LOC122539214: variants seen among roughly 807,000 people sequenced by gnomAD.
chr19:52,653,971 T>C, the LOC122539214 span: 2 of 1,356,180 alleles, frequency 1.5e-6, no homozygotes, highest in Non-Finnish European at 2.1e-6. Flanking sequence ...GTTCTTCCCA[T>C]ACCTATTAGA....
the LOC122539214 span, among the ~76,000 whole-genome samples, chr19:52,676,812 G>A: frequency 0.21 from 27,722 of 131,988 alleles, 3,186 homozygotes; most frequent in Non-Finnish European, 0.24. Context: ...GGATCCTGTT[G>A]ATCTGTGACC....
chr19:52,680,811 A>AC, the LOC122539214 span, among the ~76,000 whole-genome samples: 1 of 148,836 alleles, frequency 6.7e-6, no homozygotes, highest in African/African-American at 2.5e-5. Flanking sequence ...ACGGGGTTTC[A>AC]CCGTGTTAGC....
chr19:52,687,586 A>G, the LOC122539214 span, among the ~76,000 whole-genome samples: 3 of 39,300 alleles, frequency 7.6e-5, no homozygotes, highest in African/African-American at 5.4e-4. Context: ...TTTTATATAT[A>G]TATATATATA....
chr19:52,670,358 G>C, the LOC122539214 span, among the ~76,000 whole-genome samples: 2 of 152,178 alleles, frequency 1.3e-5, no homozygotes, highest in Non-Finnish European at 1.5e-5. Flanking sequence ...CTCGCCAATA[G>C]GGGAATGACA....
At chr19:52,667,326 G>C in the LOC122539214 span, among the ~76,000 whole-genome samples, 6 of 152,070 alleles carry the variant, frequency 3.9e-5, no homozygotes, top group East Asian at 5.8e-4. Flanking sequence ...TTAAAGAAAG[G>C]GATGTTTGCA....
the LOC122539214 span, chr19:52,655,567 A>T: frequency 6.7e-7 from 1 of 1,500,774 alleles, no homozygotes; most frequent in Non-Finnish European, 9.3e-7. Context: ...TCACCCACAG[A>T]CTCCAGGTTC....
chr19:52,652,535 C>T, the LOC122539214 span: 5 of 452,354 alleles, frequency 1.1e-5, no homozygotes, highest in South Asian at 8.2e-5. Context: ...TGACTGAAGA[C>T]CTTGCTGCAA....
chr19:52,661,926 C>T, the LOC122539214 span, among the ~76,000 whole-genome samples: 10 of 152,176 alleles, frequency 6.6e-5, no homozygotes, highest in East Asian at 1.9e-4. Context: ...AGTCCTAGGC[C>T]GAGGGACAGC....
chr19:52,656,119 A>G, the LOC122539214 span, among the ~76,000 whole-genome samples: 8 of 152,102 alleles, frequency 5.3e-5, no homozygotes, highest in Admixed American at 6.5e-5. Flanking sequence ...AGGCTGAGGT[A>G]GGAGTATAGC....
the LOC122539214 span, among the ~76,000 whole-genome samples, chr19:52,680,754 A>G: frequency 0.17 from 24,099 of 141,222 alleles, 2,467 homozygotes; most frequent in East Asian, 0.33. Flanking sequence ...CTGGGACTAC[A>G]GGCGCCCGCC....
At chr19:52,688,909 A>G in the LOC122539214 span, among the ~76,000 whole-genome samples, 51 of 151,364 alleles carry the variant, frequency 3.4e-4, no homozygotes, top group African/African-American at 1.2e-3. Context: ...GTCTAAATGA[A>G]TGGGCTCCAG....
chr19:52,666,838 G>A, the LOC122539214 span, among the ~76,000 whole-genome samples: 2 of 152,170 alleles, frequency 1.3e-5, no homozygotes, highest in African/African-American at 4.8e-5. Context: ...ACTATACAGG[G>A]TTTCTCCCAG....
At chr19:52,653,506 C>T in the LOC122539214 span, among the ~76,000 whole-genome samples, 1 of 152,144 alleles carries the variant, frequency 6.6e-6, no homozygotes, top group Non-Finnish European at 1.5e-5. Context: ...AGTATGAATT[C>T]GCCTATGTGT....
the LOC122539214 span, chr19:52,655,552 T>A: frequency 6.1e-6 from 9 of 1,486,130 alleles, no homozygotes; most frequent in African/African-American, 1.1e-4. Flanking sequence ...GGAGGGACAT[T>A]TTCCTCACCC....
the LOC122539214 span, chr19:52,655,749 G>T: frequency 1.4e-6 from 1 of 704,964 alleles, no homozygotes; most frequent in Non-Finnish European, 2.5e-6. Context: ...CACACAAAAT[G>T]AGAAAAGAGA....
At chr19:52,687,332 A>G in the LOC122539214 span, among the ~76,000 whole-genome samples, 1 of 131,368 alleles carries the variant, frequency 7.6e-6, no homozygotes, top group African/African-American at 3.1e-5. Flanking sequence ...AATTATATAT[A>G]TAGATATATA....
chr19:52,661,075 GGA>G, the LOC122539214 span, among the ~76,000 whole-genome samples: 1 of 151,916 alleles, frequency 6.6e-6, no homozygotes, highest in East Asian at 1.9e-4. Context: ...ATGTTGGCCA[GGA>G]GAGTCTCAAT....
the LOC122539214 span, chr19:52,650,654 T>G: frequency 1.3e-5 from 2 of 152,196 alleles, no homozygotes; most frequent in East Asian, 3.8e-4. Context: ...CTTCAAGTTT[T>G]AGGAGTCAAA....
chr19:52,681,748 T>C, the LOC122539214 span, among the ~76,000 whole-genome samples: 46 of 152,316 alleles, frequency 3.0e-4, no homozygotes, highest in South Asian at 7.9e-3. Context: ...GTTTATCTAA[T>C]GGAGAGAACA....
Sources: allele counts gnomAD v4.1 joint callset (sites outside exome capture counted in the v4.1 genomes callset), GRCh38; gene constraint gnomAD v4.1.1; transcripts MANE v1.5.